Variants in SUPT3H observed in about 807,000 individuals in gnomAD.
The protein encoded by SUPT3H is transcription initiation protein SPT3 homolog.
SUPT3H carries 44 observed loss-of-function variants against 44.3 expected under a neutral mutation model. That is an observed-to-expected ratio of 0.99 (90% confidence interval 0.78 to 1.28). SUPT3H has a LOEUF of 1.28. SUPT3H is among the 50% of genes most tolerant of loss of function. SUPT3H has a pLI of 0.00. For synonymous variants in SUPT3H, 124 were observed against 125.6 expected (o/e 0.99, Z 0.09); for missense variants, 380 against 387.1 (o/e 0.98, Z 0.15).
chr6:45,237,339 A>G (rs1020909817), intron 2 of SUPT3H, among the ~76,000 whole-genome samples: 5 of 152,210 alleles, frequency 3.3e-5, no homozygotes, highest in African/African-American at 1.2e-4. Flanking sequence ...AAGCATATCA[A>G]AGTAGTTACA....
chr6:44,891,449 C>T (rs990036063), intron 10 of SUPT3H, among the ~76,000 whole-genome samples: 1 of 152,058 alleles, frequency 6.6e-6, no homozygotes, highest in African/African-American at 2.4e-5. Flanking sequence ...ATACACATTA[C>T]AATAAGTATA....
chr6:45,374,899 T>C (rs963183897), intron 1 of SUPT3H, among the ~76,000 whole-genome samples: 2 of 152,202 alleles, frequency 1.3e-5, no homozygotes, highest in African/African-American at 4.8e-5. Flanking sequence ...AACAGTAATT[T>C]TGTCACTGTT....
chr6:45,341,583 A>G (rs942428230), intron 2 of SUPT3H, among the ~76,000 whole-genome samples: 14 of 152,226 alleles, frequency 9.2e-5, no homozygotes, highest in African/African-American at 3.4e-4. Context: ...AAAAAGGTTA[A>G]AAGTGAGTTT....
At chr6:45,102,101 G>T (rs1231677200) in intron 3 of SUPT3H, among the ~76,000 whole-genome samples, 1 of 151,660 alleles carries the variant, frequency 6.6e-6, no homozygotes, top group Non-Finnish European at 1.5e-5. Flanking sequence ...ATAAAGAACT[G>T]AAAAAAGAAA....
In SUPT3H at chr6:44,839,220, C is replaced by T. The variant is rs188143941; in HGVS notation, c.913-9363G>A. On this transcript the variant is annotated intron_variant, in intron 10 of 10. Coordinates refer to ENST00000371459, the MANE Select transcript of SUPT3H (RefSeq NM_003599.4). ...GCACTGGCCCAGATCACCCTTATCA[C>T]ACTATTGTCCAAGTCAACTGCCTAC... Among the ~76,000 whole-genome samples the T allele has an allele frequency of 3.6e-3, 544 of 152,302 alleles. 8 individuals carry two copies. The highest frequency in any genetic ancestry group is 0.012 in the African/African-American group (507 of 41,560).
chr6:45,082,918 T>C (rs1176331366), intron 3 of SUPT3H, among the ~76,000 whole-genome samples: 1 of 152,110 alleles, frequency 6.6e-6, no homozygotes, highest in Non-Finnish European at 1.5e-5. Context: ...TAAATGACTT[T>C]AGTAAAGTTT....
At chr6:45,147,287 T>C (rs111378823) in intron 2 of SUPT3H, among the ~76,000 whole-genome samples, 63 of 152,076 alleles carry the variant, frequency 4.1e-4, no homozygotes, top group African/African-American at 1.4e-3. Context: ...AAAAGAAATA[T>C]GAAATTAAAC....
At chr6:45,044,977 CA>C (rs1329035337) in intron 3 of SUPT3H, among the ~76,000 whole-genome samples, 1 of 152,152 alleles carries the variant, frequency 6.6e-6, no homozygotes, top group African/African-American at 2.4e-5. Context: ...TCTAAGGTAG[CA>C]GTTCTCAATT....
intron 9 of SUPT3H, among the ~76,000 whole-genome samples, chr6:44,935,165 GT>G (rs957982840): frequency 7.9e-4 from 114 of 144,918 alleles, no homozygotes; most frequent in Middle Eastern, 3.7e-3. Context: ...TATAATCCCA[GT>G]TTTTTTTTTT....
At chr6:45,251,395 GCACACACACACACACA>G (rs70996313) in intron 2 of SUPT3H, among the ~76,000 whole-genome samples, 2 of 144,858 alleles carry the variant, frequency 1.4e-5, no homozygotes, top group South Asian at 2.2e-4. Flanking sequence ...AAGAGAAGCT[GCACACACACACACACA>G]CACACACACA....
rs1360732207 is a variant in SUPT3H at position 45,014,900 on chromosome 6, A to C, written c.274-9T>G. On this transcript the variant is annotated splice_polypyrimidine_tract_variant and intron_variant, in intron 4 of 10. Transcript: ENST00000371459. The stretch of plus-strand genomic sequence containing the variant: ...AGTCTTCTAAGTTTTTTCTATTAAA[A>C]ATATAAAATAAGTAAATAAGAAAAC... 4 of 1,460,982 alleles carry C rather than the reference A, an allele frequency of 2.7e-6. No individual in the cohort carries two copies. Among genetic ancestry groups the C allele is most frequent in the Non-Finnish European group, 3.7e-6 (4 of 1,094,100 alleles). The allele number at this position is 1,460,982 out of a possible 1,614,324, so 90.5% of individuals were successfully genotyped here.
chr6:45,262,657 G>T (rs1774569772), intron 2 of SUPT3H, among the ~76,000 whole-genome samples: 2 of 152,012 alleles, frequency 1.3e-5, no homozygotes. Flanking sequence ...ATTGACAAGT[G>T]GAATCTAATT....
intron 2 of SUPT3H, among the ~76,000 whole-genome samples, chr6:45,120,072 A>G (rs1187597955): frequency 6.6e-6 from 1 of 152,104 alleles, no homozygotes; most frequent in Non-Finnish European, 1.5e-5. Context: ...CTACTTCAAG[A>G]CTTGAAGAGG....
chr6:45,263,490 T>A (rs979892510), intron 2 of SUPT3H, among the ~76,000 whole-genome samples: 1 of 151,954 alleles, frequency 6.6e-6, no homozygotes. Flanking sequence ...AGAGGGTGGG[T>A]GAGGGAGTTG....
At chr6:45,239,239 G>A (rs1183360320) in intron 2 of SUPT3H, among the ~76,000 whole-genome samples, 2 of 152,196 alleles carry the variant, frequency 1.3e-5, no homozygotes, top group African/African-American at 4.8e-5. Flanking sequence ...ACTGCAAACA[G>A]CAGTTAGGAG....
chr6:45,280,378 T>A (rs12660412), intron 2 of SUPT3H, among the ~76,000 whole-genome samples: 20,158 of 151,978 alleles, frequency 0.13, 1,554 homozygotes, highest in East Asian at 0.26. Flanking sequence ...ACATAGCACA[T>A]GCCTGTAATC....
chr6:44,920,496 A>T (rs1452041053), intron 10 of SUPT3H, among the ~76,000 whole-genome samples: 1 of 149,478 alleles, frequency 6.7e-6, no homozygotes, highest in Non-Finnish European at 1.5e-5. Context: ...TGGGAGATGG[A>T]GGCTGCAGTG....
intron 2 of SUPT3H, among the ~76,000 whole-genome samples, chr6:45,173,701 T>G (rs1179556108): frequency 6.6e-6 from 1 of 152,194 alleles, no homozygotes; most frequent in Non-Finnish European, 1.5e-5. Context: ...TGGGGAGAAC[T>G]TATCAGCATA....
intron 2 of SUPT3H, among the ~76,000 whole-genome samples, chr6:45,313,758 T>C (rs564468093): frequency 5.3e-5 from 8 of 151,024 alleles, no homozygotes; most frequent in South Asian, 2.1e-4. Context: ...TTCCACAAGA[T>C]AGAGAAAGAG....
Sources: gnomAD v4.1 joint callset for allele counts (sites outside exome capture counted in the v4.1 genomes callset) on GRCh38, gnomAD v4.1.1 for gene constraint, MANE v1.5 for transcripts, NCBI Gene and HGNC (gene_info 2026-07-23, HGNC 2026-07-21) for gene names.